Variants in ARHGAP10 observed in about 807,000 individuals in gnomAD.
ARHGAP10 encodes rho GTPase-activating protein 10.
In ARHGAP10, 87 loss-of-function variants were observed where a neutral mutation model predicts 108.6. The ratio of observed to expected loss-of-function variants is 0.80; its 90% CI spans 0.67 to 0.96. The LOEUF is 0.96. Ranked by LOEUF, ARHGAP10 falls within the 40% of genes least tolerant of loss-of-function variation. The pLI is 0.00. For missense variants in ARHGAP10, 939 were observed against 954.5 expected (o/e 0.98, Z 0.21); for synonymous variants, 347 against 341.1 (o/e 1.02, Z -0.19).
At chr4:147,828,469 G>T (rs1363344472) in intron 3 of ARHGAP10, among the ~76,000 whole-genome samples, 1 of 152,142 alleles carries the variant, frequency 6.6e-6, no homozygotes, top group Non-Finnish European at 1.5e-5. Context: ...CAAGCACTGT[G>T]CCACATGCTA....
intron 18 of ARHGAP10, among the ~76,000 whole-genome samples, chr4:148,011,030 T>G (rs1741152450): frequency 6.6e-6 from 1 of 152,214 alleles, no homozygotes; most frequent in Non-Finnish European, 1.5e-5. Context: ...GACAATTGTT[T>G]TATAAAATAA....
chr4:147,768,588 T>C (rs1338266273), intron 1 of ARHGAP10, among the ~76,000 whole-genome samples: 2 of 149,994 alleles, frequency 1.3e-5, no homozygotes, highest in Non-Finnish European at 2.9e-5. Context: ...CATAATGAAA[T>C]AATTGTTCAT....
intron 1 of ARHGAP10, among the ~76,000 whole-genome samples, chr4:147,783,997 AAC>A (rs1268522719): frequency 1.4e-5 from 2 of 144,454 alleles, no homozygotes; most frequent in Non-Finnish European, 3.0e-5. Flanking sequence ...TAATTTATAT[AAC>A]ACATTAAATT....
intron 10 of ARHGAP10, among the ~76,000 whole-genome samples, chr4:147,901,348 G>T (rs1252173167): frequency 1.3e-5 from 2 of 152,222 alleles, no homozygotes; most frequent in Non-Finnish European, 2.9e-5. Context: ...AATACTAGTG[G>T]CTGATCCCTT....
rs1730215562 is a variant in ARHGAP10, at chr4:148,072,216, A to C, written c.*135A>C. 2.1e-4 allele frequency: 82 copies of C among 399,356 alleles called. No homozygotes were observed. The highest frequency in any genetic ancestry group is 8.6e-4 in the Middle Eastern group (1 of 1,162). The allele number at this position is 399,356 out of a possible 1,614,324, so 24.7% of individuals were successfully genotyped here. A position where few individuals can be genotyped will look rare whatever the true frequency, so the allele number is the denominator to read the frequency against. ...CTTGGGAGTTACCATCATCACAGTC[A>C]GCCCTGGGGGTGGGGGGTGGTGGGC... On this transcript the variant is annotated 3_prime_UTR_variant, in exon 23 of 23. Transcript: ENST00000336498.
At chr4:147,936,380 C>G (rs929624410) in intron 13 of ARHGAP10, among the ~76,000 whole-genome samples, 1 of 124,204 alleles carries the variant, frequency 8.1e-6, no homozygotes, top group Non-Finnish European at 1.6e-5. Flanking sequence ...GGACTGCGGA[C>G]TGCAGTGGCG....
chr4:147,873,761 G>T (rs1468613414), intron 7 of ARHGAP10, among the ~76,000 whole-genome samples: 2 of 133,780 alleles, frequency 1.5e-5, no homozygotes, highest in African/African-American at 5.4e-5. Flanking sequence ...TGTAGTCCCA[G>T]TTCCTCTGGA....
At chr4:147,907,668 G>A (rs1206076335) in intron 11 of ARHGAP10, among the ~76,000 whole-genome samples, 1 of 152,120 alleles carries the variant, frequency 6.6e-6, no homozygotes, top group Non-Finnish European at 1.5e-5. Context: ...GATCAGTAGC[G>A]CATGTGGCAA....
chr4:148,037,781 G>A (rs1036959863), intron 19 of ARHGAP10, among the ~76,000 whole-genome samples: 78 of 151,202 alleles, frequency 5.2e-4, no homozygotes, highest in Non-Finnish European at 1.0e-3. Flanking sequence ...GTTGCAGTGA[G>A]CCAAGATCAC....
At chr4:148,002,542 C>T (rs1740763384) in intron 18 of ARHGAP10, among the ~76,000 whole-genome samples, 1 of 152,122 alleles carries the variant, frequency 6.6e-6, no homozygotes, top group Admixed American at 6.5e-5. Context: ...CCATCTGGTC[C>T]TGGACTTTTT....
chr4:148,021,084 C>G (rs1414166858), intron 18 of ARHGAP10, among the ~76,000 whole-genome samples: 3 of 152,210 alleles, frequency 2.0e-5, no homozygotes, highest in Non-Finnish European at 2.9e-5. Context: ...GCCTGTTACT[C>G]ATTCCCAGAT....
intron 4 of ARHGAP10, chr4:147,854,928 T>A: frequency 1.1e-6 from 1 of 944,574 alleles, no homozygotes; most frequent in African/African-American, 1.8e-5. Context: ...CATTCCCAAC[T>A]TTACCCACAT....
At chr4:148,022,376 G>A (rs573659840) in intron 18 of ARHGAP10, among the ~76,000 whole-genome samples, 40 of 152,278 alleles carry the variant, frequency 2.6e-4, no homozygotes, top group South Asian at 2.1e-3. Flanking sequence ...CCTGAGGAAC[G>A]TCAGCCCTTT....
intron 19 of ARHGAP10, among the ~76,000 whole-genome samples, chr4:148,037,916 C>T (rs914644287): frequency 6.6e-6 from 1 of 151,766 alleles, no homozygotes; most frequent in Non-Finnish European, 1.5e-5. Flanking sequence ...TTGGTTCCAT[C>T]TCATATGCTG....
chr4:147,786,643 G>A (rs1195654871), intron 1 of ARHGAP10, among the ~76,000 whole-genome samples: 1 of 152,174 alleles, frequency 6.6e-6, no homozygotes, highest in Non-Finnish European at 1.5e-5. Flanking sequence ...TTAAAGCATT[G>A]GTAAATATTA....
At chr4:147,959,520 C>CCCCCA (rs1424858965) in intron 16 of ARHGAP10, among the ~76,000 whole-genome samples, 1 of 151,538 alleles carries the variant, frequency 6.6e-6, no homozygotes, top group Non-Finnish European at 1.5e-5. Flanking sequence ...CTCCCCGCTC[C>CCCCCA]CCCCACCCCA....
intron 1 of ARHGAP10, among the ~76,000 whole-genome samples, chr4:147,741,790 ACG>A (rs1553944868): frequency 0.038 from 654 of 17,058 alleles, 11 homozygotes; most frequent in African/African-American, 0.081. Context: ...ACACACACAC[ACG>A]CACACACACA....
At chr4:147,924,635 T>C (rs1737384402) in intron 13 of ARHGAP10, among the ~76,000 whole-genome samples, 3 of 152,308 alleles carry the variant, frequency 2.0e-5, no homozygotes, top group South Asian at 4.1e-4. Flanking sequence ...TTGCATTACA[T>C]TCTGATGAGG....
intron 13 of ARHGAP10, among the ~76,000 whole-genome samples, chr4:147,929,138 T>A (rs1737573742): frequency 6.6e-6 from 1 of 152,228 alleles, no homozygotes; most frequent in South Asian, 2.1e-4. Flanking sequence ...AAGTTTAAAA[T>A]GTTATTCAGT....
Sources: allele counts gnomAD v4.1 joint callset (sites outside exome capture counted in the v4.1 genomes callset), GRCh38; gene constraint gnomAD v4.1.1; transcripts MANE v1.5; gene names NCBI Gene and HGNC (gene_info 2026-07-23, HGNC 2026-07-21).